Variants in AFF1 observed in about 807,000 individuals in gnomAD.
AFF1 encodes the protein ALF transcription elongation factor 1.
In AFF1, 48 loss-of-function variants were observed where a neutral mutation model predicts 121.7. The ratio of observed to expected loss-of-function variants is 0.39; its 90% CI spans 0.31 to 0.50. AFF1 has a LOEUF of 0.50. AFF1 is among the 20% of genes least tolerant of loss of function. AFF1 has a pLI of 0.76. For missense variants in AFF1, 1,523 were observed against 1,511.7 expected (o/e 1.01, Z -0.12); for synonymous variants, 613 against 563.0 (o/e 1.09, Z -1.26).
chr4:87,084,549 CCAATAAAT>C (rs1560609128), intron 5 of AFF1, among the ~76,000 whole-genome samples: 1 of 115,658 alleles, frequency 8.6e-6, no homozygotes, highest in African/African-American at 3.4e-5. Context: ...AACTATGTCT[CCAATAAAT>C]AAATAAATAA....
chr4:87,134,952 G>C (rs147223417), intron 20 of AFF1, among the ~76,000 whole-genome samples: 251 of 152,350 alleles, frequency 1.6e-3, no homozygotes, highest in African/African-American at 5.6e-3. Flanking sequence ...CCCTTCTGAA[G>C]CTCTGCTGTC....
At chr4:87,128,332 G>A (rs1431144292) in intron 16 of AFF1, among the ~76,000 whole-genome samples, 1 of 152,174 alleles carries the variant, frequency 6.6e-6, no homozygotes, top group East Asian at 1.9e-4. Flanking sequence ...TCTAAAAGGT[G>A]GTGGTTTTGT....
At chr4:87,019,886 G>GGGT (rs375635368) in intron 2 of AFF1, among the ~76,000 whole-genome samples, 8 of 106,572 alleles carry the variant, frequency 7.5e-5, no homozygotes, top group South Asian at 4.2e-4. Flanking sequence ...GAAGGGGTCG[G>GGGT]GGGGGGGCAG....
intron 2 of AFF1, among the ~76,000 whole-genome samples, chr4:87,012,362 A>T (rs770117277): frequency 6.6e-6 from 1 of 151,934 alleles, no homozygotes; most frequent in Non-Finnish European, 1.5e-5. Flanking sequence ...TGTATGTGAG[A>T]TATAGTGGAA....
At chr4:87,037,738 G>C (rs745568369) in intron 2 of AFF1, among the ~76,000 whole-genome samples, 10 of 152,128 alleles carry the variant, frequency 6.6e-5, no homozygotes, top group Non-Finnish European at 1.3e-4. Context: ...GAATTGATGT[G>C]ACTTTTTAGT....
chr4:87,047,334 C>G lies in AFF1; in HGVS notation c.799C>G (p.Gln267Glu). ...AVKVHDKETP[Q>E]DSLVAPAQPP... is the part of the protein sequence containing the mutation. ...GAAAGTCCATGATAAAGAGACCCCTCAAGACAGTTTGGTGGCCCCTGCCCA... is the reference window on the plus strand; with the variant it reads ...GAAAGTCCATGATAAAGAGACCCCTGAAGACAGTTTGGTGGCCCCTGCCCA... Residue 267 changes from glutamine (Q) to glutamate (E), a missense_variant, in exon 4 of 21, where the codon CAA (glutamine) becomes GAA (glutamate). By Grantham distance (29) the Gln-to-Glu change is conservative. This residue lies in a region of AFF1 where 369 missense variants were observed against 367.2 expected (regional missense o/e 1.00). Coordinates refer to ENST00000395146, the MANE Select transcript of AFF1 (RefSeq NM_001166693.3). The G allele has an allele frequency of 6.2e-7, 1 of 1,614,178 alleles. No individual in the cohort carries two copies. Among genetic ancestry groups the G allele is most frequent in the Non-Finnish European group, 8.5e-7 (1 of 1,180,034 alleles).
At chr4:86,982,572 C>T (rs1482407417) in intron 2 of AFF1, among the ~76,000 whole-genome samples, 1 of 151,182 alleles carries the variant, frequency 6.6e-6, no homozygotes, top group African/African-American at 2.4e-5. Context: ...TATAAAAGAA[C>T]TTGGGCTGGG....
intron 2 of AFF1, among the ~76,000 whole-genome samples, chr4:87,030,194 A>G (rs559780155): frequency 2.8e-4 from 43 of 152,238 alleles, no homozygotes; most frequent in Non-Finnish European, 4.7e-4. Flanking sequence ...CCAGGGGTCA[A>G]CAAACCTTTT....
chr4:87,059,673 C>G (rs1720529027), intron 4 of AFF1, among the ~76,000 whole-genome samples: 1 of 152,194 alleles, frequency 6.6e-6, no homozygotes, highest in Non-Finnish European at 1.5e-5. Context: ...GTCTTCTTGC[C>G]TCTTACCTGT....
intron 2 of AFF1, among the ~76,000 whole-genome samples, chr4:87,017,438 A>T (rs1446370052): frequency 1.3e-5 from 2 of 152,106 alleles, no homozygotes; most frequent in Non-Finnish European, 2.9e-5. Context: ...GGGCTTTTCG[A>T]TGAAGAAATT....
At chr4:86,996,424 C>T (rs1240787026) in intron 2 of AFF1, among the ~76,000 whole-genome samples, 21 of 151,048 alleles carry the variant, frequency 1.4e-4, no homozygotes, top group African/African-American at 7.3e-5. Flanking sequence ...TGTGACCTTA[C>T]CCCCAACCCT....
Position 87,135,823 on chromosome 4 carries a change from C to T in AFF1, c.*122C>T. 7.4e-7 allele frequency: 1 copy of T among 1,351,692 alleles called. No individual in the cohort carries two copies. The highest frequency in any genetic ancestry group is 9.8e-7 in the Non-Finnish European group (1 of 1,024,196). The allele number at this position is 1,351,692 out of a possible 1,614,324, so 83.7% of individuals were successfully genotyped here. ...CTAAAAAAGAAGCACCACGAGATGG[C>T]CAGGACATTTGTCCACTTAAACTCT... On this transcript the variant is annotated 3_prime_UTR_variant, in exon 21 of 21. Transcript: ENST00000395146.
chr4:87,112,796 A>G (rs928517830), intron 11 of AFF1, among the ~76,000 whole-genome samples: 4 of 152,226 alleles, frequency 2.6e-5, no homozygotes, highest in South Asian at 2.1e-4. Flanking sequence ...CATTATGTGT[A>G]TGACTTATTT....
At chr4:87,123,529 G>A (rs548011931) in intron 12 of AFF1, among the ~76,000 whole-genome samples, 1 of 152,114 alleles carries the variant, frequency 6.6e-6, no homozygotes, top group Non-Finnish European at 1.5e-5. Context: ...ATTAAAAACA[G>A]GTATCTTTGT....
chr4:87,022,531 C>A (rs1578082755), intron 2 of AFF1, among the ~76,000 whole-genome samples: 1 of 108,544 alleles, frequency 9.2e-6, no homozygotes, highest in Non-Finnish European at 1.9e-5. Context: ...ATGTTTTCTT[C>A]CCGTGCTTAC....
intron 2 of AFF1, among the ~76,000 whole-genome samples, chr4:87,043,271 G>A (rs905723276): frequency 6.6e-6 from 1 of 152,178 alleles, no homozygotes; most frequent in Admixed American, 6.5e-5. Context: ...AAGCAGACAA[G>A]CACATGCCCA....
chr4:87,046,299 C>T lies in AFF1; in HGVS notation c.159+13C>T, dbSNP rs1404435234. 20 of 1,606,794 alleles carry T rather than the reference C, an allele frequency of 1.2e-5. No individual in the cohort carries two copies. The highest frequency in any genetic ancestry group is 1.6e-5 in the Non-Finnish European group (19 of 1,178,158). ...AGAGCCCTACAAGGTATTTACTGAA[C>T]ACTAGACATTGAAGTCCTGATTTAT... On this transcript the variant is annotated intron_variant, in intron 3 of 20. Coordinates refer to ENST00000395146, the MANE Select transcript of AFF1 (RefSeq NM_001166693.3).
intron 4 of AFF1, among the ~76,000 whole-genome samples, chr4:87,062,072 C>T (rs1280859729): frequency 6.6e-6 from 1 of 152,128 alleles, no homozygotes; most frequent in Non-Finnish European, 1.5e-5. Flanking sequence ...AACTGTGGAA[C>T]ATGGATTCTT....
At chr4:87,014,853 TG>T (rs1727145369) in intron 2 of AFF1, among the ~76,000 whole-genome samples, 1 of 152,210 alleles carries the variant, frequency 6.6e-6, no homozygotes, top group Admixed American at 6.5e-5. Context: ...TTATGGAAAG[TG>T]GTATAAAATT....
Sources: allele counts gnomAD v4.1 joint callset (sites outside exome capture counted in the v4.1 genomes callset), GRCh38; gene constraint gnomAD v4.1.1; regional missense constraint gnomAD v4.1.1; transcripts MANE v1.5; gene names NCBI Gene and HGNC (gene_info 2026-07-23, HGNC 2026-07-21).